TP63: variants seen among roughly 807,000 people sequenced by gnomAD.
TP63 encodes tumor protein p63, also known as tumor protein 63.
TP63 carries 17 observed loss-of-function variants against 82.8 expected under a neutral mutation model. That is an observed-to-expected ratio of 0.21 (90% confidence interval 0.14 to 0.31). The LOEUF is 0.31. Among genes scored for constraint, TP63 ranks in the 10% least tolerant of loss-of-function variants. The probability of loss-of-function intolerance (pLI) is 1.00; values close to 1 mark genes in which losing one functional copy is unlikely to be tolerated. For synonymous variants in TP63, 330 were observed against 321.7 expected (o/e 1.03, Z -0.28); for missense variants, 648 against 895.3 (o/e 0.72, Z 3.52).
At chr3:189,774,390 T>C (rs1723620485) in intron 3 of TP63, among the ~76,000 whole-genome samples, 1 of 152,258 alleles carries the variant, frequency 6.6e-6, no homozygotes, top group Non-Finnish European at 1.5e-5. Flanking sequence ...GGAAGAATTA[T>C]GTGTAGCGAT....
intron 9 of TP63, among the ~76,000 whole-genome samples, chr3:189,872,400 A>AACACACACACAC (rs60097753): frequency 1.7e-4 from 25 of 147,116 alleles, no homozygotes; most frequent in African/African-American, 5.5e-4. Context: ...AAGTTTCTCT[A>AACACACACACAC]ACACACACAC....
In TP63 at chr3:189,743,089, A is replaced by G. The variant is rs1464638216; in HGVS notation, c.324+4315A>G. On this transcript the variant is annotated intron_variant, in intron 3 of 13. Coordinates refer to ENST00000264731, the MANE Select transcript of TP63 (RefSeq NM_003722.5). Reference sequence around the variant, plus strand: ...TAAACTTTAAAAATTATAATTCATAACAAAAGCTTAATAACCCCAATAAAC... The same window carrying G: ...TAAACTTTAAAAATTATAATTCATAGCAAAAGCTTAATAACCCCAATAAAC... 3.3e-5 allele frequency among the ~76,000 whole-genome samples: 5 copies of G among 152,310 alleles called. No homozygotes were observed. The East Asian group carries it at 9.6e-4, about 29-fold the overall frequency.
intron 1 of TP63, among the ~76,000 whole-genome samples, chr3:189,720,215 A>G (rs919721809): frequency 6.6e-6 from 1 of 152,192 alleles, no homozygotes; most frequent in Non-Finnish European, 1.5e-5. Context: ...TCCCTCCATC[A>G]TTCTCAGATA....
chr3:189,756,658 A>AGAAT (rs1349926916), intron 3 of TP63, among the ~76,000 whole-genome samples: 4 of 152,218 alleles, frequency 2.6e-5, no homozygotes, highest in African/African-American at 9.6e-5. Context: ...GCACTGGCAG[A>AGAAT]GAATTTATTG....
the TP63 span, among the ~76,000 whole-genome samples, chr3:189,605,751 G>A: frequency 1.3e-5 from 2 of 151,882 alleles, no homozygotes; most frequent in African/African-American, 2.4e-5. Context: ...ATTTTTTTTA[G>A]TTTAGATCCA....
intron 3 of TP63, among the ~76,000 whole-genome samples, chr3:189,791,371 A>G (rs1284338731): frequency 6.6e-6 from 1 of 152,134 alleles, no homozygotes; most frequent in Non-Finnish European, 1.5e-5. Context: ...GTTAAATATA[A>G]TGTCGTGAAA....
At chr3:189,817,650 GT>G (rs1301492524) in intron 4 of TP63, among the ~76,000 whole-genome samples, 1 of 151,822 alleles carries the variant, frequency 6.6e-6, no homozygotes, top group African/African-American at 2.4e-5. Context: ...GTTTTCTGAG[GT>G]TTTTTATTTC....
upstream of TP63, among the ~76,000 whole-genome samples, chr3:189,627,938 T>A (rs923764311): frequency 1.3e-5 from 2 of 152,146 alleles, no homozygotes; most frequent in Non-Finnish European, 2.9e-5. Context: ...TTATTTTTAA[T>A]CAGTTGCAAT....
chr3:189,761,680 CT>C (rs1378727368), intron 3 of TP63, among the ~76,000 whole-genome samples: 1 of 152,182 alleles, frequency 6.6e-6, no homozygotes, highest in Non-Finnish European at 1.5e-5. Flanking sequence ...TTTTGGGTAT[CT>C]TTTCAGCAAC....
Position 189,896,718 on chromosome 3 carries a change from G to A in TP63, c.*2216G>A, listed in dbSNP as rs35861864. ...CTAGGGCCTTGGAAATTCCTGTACT[G>A]TGTCTCATGGATTTGGCACTAGCCA... is the stretch of plus-strand genomic sequence containing the variant. On this transcript the variant is annotated 3_prime_UTR_variant, in exon 14 of 14. Transcript: ENST00000264731. 0.052 allele frequency: 10,633 copies of A among 203,992 alleles called. 363 individuals are homozygous for A. The highest frequency in any genetic ancestry group is 0.082 in the Middle Eastern group (49 of 600). 12.6% of individuals were successfully genotyped at this position (203,992 alleles called of 1,614,324 possible).
chr3:189,840,268 G>A (rs754458746), intron 4 of TP63, among the ~76,000 whole-genome samples: 17 of 149,720 alleles, frequency 1.1e-4, no homozygotes, highest in African/African-American at 3.0e-4. Flanking sequence ...AAAGGTAGAC[G>A]TCTACCATAA....
chr3:189,686,731 GTT>G lies in TP63; in HGVS notation c.63-50993_63-50992del, dbSNP rs35520871. ...TCAGGGGGTGGGGGGCAGGGGCAGG[GTT>G]TTTTTTTTTTTTTTTGAGACAGAGT... On this transcript the variant is annotated intron_variant, in intron 1 of 13. Coordinates refer to ENST00000264731, the MANE Select transcript of TP63 (RefSeq NM_003722.5). 7.9e-3 allele frequency among the ~76,000 whole-genome samples: 901 copies of G among 114,220 alleles called. 14 individuals carry two copies. The highest frequency in any genetic ancestry group is 0.053 in the East Asian group (185 of 3,498). 74.9% of individuals were successfully genotyped at this position (114,220 alleles called of 152,430 possible).
intron 1 of TP63, among the ~76,000 whole-genome samples, chr3:189,722,964 G>A (rs1719504996): frequency 6.6e-6 from 1 of 152,192 alleles, no homozygotes; most frequent in Admixed American, 6.5e-5. Context: ...CTGAAGCCAT[G>A]TGTTTTCAAG....
chr3:189,786,212 A>G (rs1250842166), intron 3 of TP63, among the ~76,000 whole-genome samples: 1 of 151,944 alleles, frequency 6.6e-6, no homozygotes, highest in Non-Finnish European at 1.5e-5. Flanking sequence ...TTTCATACAG[A>G]CATACATTCT....
At chr3:189,635,115 A>G (rs1222412666) in intron 1 of TP63, among the ~76,000 whole-genome samples, 2 of 152,148 alleles carry the variant, frequency 1.3e-5, no homozygotes, top group East Asian at 1.9e-4. Context: ...TTCAATTTGA[A>G]CCACCAGTAA....
chr3:189,849,109 TG>T (rs1275743619), intron 4 of TP63, among the ~76,000 whole-genome samples: 6 of 152,212 alleles, frequency 3.9e-5, no homozygotes, highest in African/African-American at 1.4e-4. Context: ...TAGTAAAACA[TG>T]TGGAGAGTTT....
At chr3:189,752,698 T>G (rs1379169087) in intron 3 of TP63, among the ~76,000 whole-genome samples, 2 of 152,124 alleles carry the variant, frequency 1.3e-5, no homozygotes, top group African/African-American at 4.8e-5. Flanking sequence ...TCTTTTTCTT[T>G]GGGTTTATGT....
rs552291139 is a variant in TP63 at position 189,633,232 on chromosome 3, T to A, written c.62+1655T>A. 3.3e-5 allele frequency among the ~76,000 whole-genome samples: 5 copies of A among 152,208 alleles called. No individual in the cohort carries two copies. In the East Asian group the frequency reaches 5.8e-4, roughly 18 times the overall value. Reference sequence around the variant, plus strand: ...AATCATAGTATTTTTGGTTTTTTTTTAACCTTTATTTTAAGTTCAGGGGTA... The same window carrying A: ...AATCATAGTATTTTTGGTTTTTTTTAAACCTTTATTTTAAGTTCAGGGGTA... On this transcript the variant is annotated intron_variant, in intron 1 of 13. Coordinates refer to ENST00000264731, the MANE Select transcript of TP63 (RefSeq NM_003722.5).
intron 1 of TP63, among the ~76,000 whole-genome samples, chr3:189,649,266 C>T (rs753431545): frequency 1.4e-5 from 2 of 146,952 alleles, no homozygotes; most frequent in Non-Finnish European, 1.5e-5. Context: ...CAATGGTAGA[C>T]TGGACACCAT....
Sources: allele counts gnomAD v4.1 joint callset (sites outside exome capture counted in the v4.1 genomes callset), GRCh38; gene constraint gnomAD v4.1.1; transcripts MANE v1.5; gene names NCBI Gene and HGNC (gene_info 2026-07-23, HGNC 2026-07-21).